The following ADGRG7 variants were observed in gnomAD, a reference collection of about 807,000 sequenced individuals.
The protein encoded by ADGRG7 is G-protein coupled receptor 128.
ADGRG7 carries 82 observed loss-of-function variants against 88.6 expected under a neutral mutation model. That is an observed-to-expected ratio of 0.93 (90% CI 0.77 to 1.11). The LOEUF is 1.11. ADGRG7 is among the 50% of genes most tolerant of loss of function. The probability of loss-of-function intolerance (pLI) is 0.00; values close to 1 mark genes in which losing one functional copy is unlikely to be tolerated. For synonymous variants in ADGRG7, 381 were observed against 345.2 expected (o/e 1.10, Z -1.15); for missense variants, 945 against 953.4 (o/e 0.99, Z 0.12).
chr3:100,635,637 T>C (rs768067319), intron 4 of ADGRG7, 40 bp from the exon 5 acceptor site: 6 of 1,602,274 alleles, frequency 3.7e-6, no homozygotes, highest in Non-Finnish European at 5.1e-6. Context: ...TTGGACATAA[T>C]TGTGTAAAGC....
intron 15 of ADGRG7, among the ~76,000 whole-genome samples, chr3:100,671,068 G>A (rs1242031528): frequency 2.6e-5 from 4 of 152,182 alleles, no homozygotes; most frequent in Non-Finnish European, 5.9e-5. Context: ...TATATACCAA[G>A]TAATGGGATG....
At chr3:100,682,614 G>A (rs2149040488) in intron 15 of ADGRG7, among the ~76,000 whole-genome samples, 1 of 152,326 alleles carries the variant, frequency 6.6e-6, no homozygotes, top group East Asian at 1.9e-4. Flanking sequence ...CCATGAGCCA[G>A]GCAAGGGGGA....
At position 100,609,839 on chromosome 3, in the gene ADGRG7, T is replaced by A; in HGVS notation, c.-18T>A. The A allele has an allele frequency of 1.3e-6, 2 of 1,591,432 alleles. No homozygotes were observed. Among genetic ancestry groups the A allele is most frequent in the Non-Finnish European group, 1.7e-6 (2 of 1,159,668 alleles). ...AGTTATTTCTCACCCAGGAGTGGAT[T>A]TGTGGTTTGGCTTCACCATGGCTTC... On this transcript the variant is annotated 5_prime_UTR_variant, in exon 1 of 16. The change creates a new upstream start codon in the 5' untranslated region. Coordinates refer to ENST00000273352, the MANE Select transcript of ADGRG7 (RefSeq NM_032787.3).
intron 14 of ADGRG7, among the ~76,000 whole-genome samples, chr3:100,661,482 G>A (rs570550497): frequency 4.1e-4 from 63 of 152,252 alleles, no homozygotes; most frequent in African/African-American, 1.5e-3. Context: ...AAATAAACAT[G>A]CAATATGAAC....
At chr3:100,618,503 A>G (rs1313461963) in intron 1 of ADGRG7, among the ~76,000 whole-genome samples, 4 of 152,046 alleles carry the variant, frequency 2.6e-5, no homozygotes, top group Admixed American at 2.0e-4. Context: ...TTTTTGTCAG[A>G]TTTGTCAAAG....
At chr3:100,694,628 C>G in intron 15 of ADGRG7, 116 bp from the exon 16 acceptor site, 2 of 992,332 alleles carry the variant, frequency 2.0e-6, no homozygotes, top group Non-Finnish European at 2.9e-6. Flanking sequence ...CTGGCAAATT[C>G]AAGTTGGGGA....
chr3:100,611,111 T>C (rs771810758), intron 1 of ADGRG7, among the ~76,000 whole-genome samples: 1 of 152,244 alleles, frequency 6.6e-6, no homozygotes, highest in Non-Finnish European at 1.5e-5. Context: ...AATGTGTTTT[T>C]GTTTGTTTAA....
intron 15 of ADGRG7, among the ~76,000 whole-genome samples, chr3:100,693,097 T>C (rs1488216543): frequency 6.6e-6 from 1 of 152,188 alleles, no homozygotes; most frequent in Non-Finnish European, 1.5e-5. Context: ...ATTTTTGGGC[T>C]TTTAGGAAGC....
intron 1 of ADGRG7, among the ~76,000 whole-genome samples, chr3:100,623,462 T>C (rs1707340529): frequency 6.6e-6 from 1 of 152,220 alleles, no homozygotes; most frequent in Admixed American, 6.5e-5. Flanking sequence ...CCTGTCTTGA[T>C]TGCTATGGCT....
chr3:100,632,569 A>T (rs1229903172), intron 3 of ADGRG7, among the ~76,000 whole-genome samples: 1 of 152,156 alleles, frequency 6.6e-6, no homozygotes, highest in Non-Finnish European at 1.5e-5. Flanking sequence ...CATGGTGTAG[A>T]GGTGAAGCCA....
chr3:100,637,241 T>C, intron 5 of ADGRG7, 61 bp from the exon 6 acceptor site: 1 of 1,064,886 alleles, frequency 9.4e-7, no homozygotes, highest in East Asian at 2.4e-5. Context: ...ATGATGATAA[T>C]GATGGTGATG....
chr3:100,658,415 GT>G (rs1480519834), intron 13 of ADGRG7, among the ~76,000 whole-genome samples: 1 of 152,142 alleles, frequency 6.6e-6, no homozygotes, highest in African/African-American at 2.4e-5. Flanking sequence ...CTGGATTAAT[GT>G]TTTTAAAACT....
At chr3:100,666,619 C>G (rs1216981061) in intron 14 of ADGRG7, among the ~76,000 whole-genome samples, 1 of 152,160 alleles carries the variant, frequency 6.6e-6, no homozygotes, top group Non-Finnish European at 1.5e-5. Context: ...GAGACAGATG[C>G]CTTCCTCTTG....
intron 14 of ADGRG7, among the ~76,000 whole-genome samples, chr3:100,667,492 C>A (rs1195920598): frequency 2.0e-5 from 3 of 152,202 alleles, no homozygotes; most frequent in Non-Finnish European, 2.9e-5. Context: ...CATGTCCATG[C>A]AAAGGACATG....
At chr3:100,621,916 T>C (rs1318818379) in intron 1 of ADGRG7, among the ~76,000 whole-genome samples, 24 of 152,170 alleles carry the variant, frequency 1.6e-4, no homozygotes, top group Admixed American at 1.6e-3. Context: ...GAAGCCAATG[T>C]TCATTCACCA....
In ADGRG7 at chr3:100,678,436, CTTAT is replaced by C. The variant is rs560017194; in HGVS notation, c.2136+9350_2136+9353del. Reference sequence around the variant, plus strand: ...TCTCTCTGGGATTGGTCACTGGTGCCTTATTTATTTATTTATTTATTTTGGCGAG... The same window carrying C: ...TCTCTCTGGGATTGGTCACTGGTGCCTTATTTATTTATTTATTTTGGCGAG... On this transcript the variant is annotated intron_variant, in intron 15 of 15. Coordinates refer to ENST00000273352, the MANE Select transcript of ADGRG7 (RefSeq NM_032787.3). Among the ~76,000 whole-genome samples, 578 of 151,718 alleles carry C rather than the reference CTTAT, an allele frequency of 3.8e-3. 5 individuals carry two copies. Among genetic ancestry groups the C allele is most frequent in the African/African-American group, 0.011 (464 of 41,338 alleles).
At chr3:100,671,018 G>A (rs1031874840) in intron 15 of ADGRG7, among the ~76,000 whole-genome samples, 3 of 152,136 alleles carry the variant, frequency 2.0e-5, no homozygotes, top group African/African-American at 7.2e-5. Flanking sequence ...ACATACATGT[G>A]CATGTGTCTT....
chr3:100,636,897 G>A (rs1399713299), intron 5 of ADGRG7, among the ~76,000 whole-genome samples: 2 of 152,116 alleles, frequency 1.3e-5, no homozygotes, highest in South Asian at 2.1e-4. Flanking sequence ...AGTCTAACAG[G>A]TATACTAAGT....
intron 1 of ADGRG7, among the ~76,000 whole-genome samples, chr3:100,614,752 A>T (rs1707201070): frequency 6.6e-6 from 1 of 152,174 alleles, no homozygotes; most frequent in Admixed American, 6.5e-5. Flanking sequence ...AGCAGACTCT[A>T]ATTTTGTCTA....
Sources: allele counts gnomAD v4.1 joint callset (sites outside exome capture counted in the v4.1 genomes callset), GRCh38; gene constraint gnomAD v4.1.1; transcripts MANE v1.5; gene names NCBI Gene and HGNC (gene_info 2026-07-23, HGNC 2026-07-21).